The following KNTC1 variants were observed in gnomAD, a reference collection of about 807,000 sequenced individuals.
KNTC1 encodes kinetochore associated 1.
A neutral mutation model predicts 314.4 loss-of-function variants in KNTC1; 253 were observed. That is an observed-to-expected ratio of 0.80 (90% CI 0.73 to 0.89). The LOEUF (loss-of-function observed/expected upper bound fraction) is 0.89, where lower values mean the gene tolerates loss of function less well. KNTC1 is among the 40% of genes least tolerant of loss of function. The pLI, the probability that KNTC1 is intolerant of heterozygous loss-of-function variation, is 0.00. For missense variants in KNTC1, 2,475 were observed against 2,572.9 expected, an observed-to-expected ratio of 0.96 and a Z score of 0.82; for synonymous variants, 901 against 901.4, an observed-to-expected ratio of 1.00 and a Z score of 0.01.
Position 122,571,097 on chromosome 12 carries a change from T to C in KNTC1, c.1990T>C (p.Leu664=). ...AGCAGAAAAAACAGACGAGTTGGGA[T>C]TGGCATCTTCCTGGCATTGGATTTC... ...FTAEKTDELG[L]ASSWHWISLK... Residue 664 remains leucine (L), a synonymous_variant, in exon 24 of 64, where the codon TTG becomes CTG. Coordinates refer to ENST00000333479, the MANE Select transcript of KNTC1 (RefSeq NM_014708.6). 2 of 1,613,622 alleles carry C rather than the reference T, an allele frequency of 1.2e-6. No homozygotes were observed. Among genetic ancestry groups the C allele is most frequent in the South Asian group, 2.2e-5 (2 of 91,066 alleles).
chr12:122,560,772 AC>A (rs886588786), intron 18 of KNTC1, among the ~76,000 whole-genome samples: 28 of 152,080 alleles, frequency 1.8e-4, no homozygotes, highest in Admixed American at 1.2e-3. Flanking sequence ...AGATTTCTCC[AC>A]CTTTGCTAAC....
chr12:122,569,714 C>G lies in KNTC1; in HGVS notation c.1750C>G (p.Leu584Val). ...NFESRFDVKM[L>V]ESLLNSMSAS... ...TGAAAGCAGATTTGATGTGAAAATG[C>G]TGGAGAGCTTGCTCAACTCAATGTC... is the stretch of plus-strand genomic sequence containing the variant. Residue 584 changes from leucine to valine, a missense_variant, in exon 22 of 64, where the codon CTG (leucine) becomes GTG (valine). Transcript: ENST00000333479. 1 of 1,613,370 alleles carries G rather than the reference C, an allele frequency of 6.2e-7. No individual in the cohort carries two copies. The highest frequency in any genetic ancestry group is 8.5e-7 in the Non-Finnish European group (1 of 1,179,562).
chr12:122,593,942 G>A (rs1870676281), intron 42 of KNTC1: 1 of 200,450 alleles, frequency 5.0e-6, no homozygotes, highest in African/African-American at 2.3e-5. Context: ...TTTGCCAACA[G>A]TTGACTTATC....
intron 31 of KNTC1, among the ~76,000 whole-genome samples, chr12:122,578,510 C>T (rs1358923981): frequency 2.0e-5 from 3 of 152,096 alleles, no homozygotes; most frequent in Non-Finnish European, 4.4e-5. Flanking sequence ...GCAACCTCTG[C>T]CTCTCAGGTT....
chr12:122,606,474 T>C (rs1457027175), intron 51 of KNTC1, among the ~76,000 whole-genome samples: 1 of 152,108 alleles, frequency 6.6e-6, no homozygotes, highest in Non-Finnish European at 1.5e-5. Context: ...CGCCTTGGCC[T>C]CCCAAAGTGT....
At chr12:122,553,870 A>G (rs1963367715) in intron 16 of KNTC1, among the ~76,000 whole-genome samples, 1 of 152,066 alleles carries the variant, frequency 6.6e-6, no homozygotes, top group Non-Finnish European at 1.5e-5. Context: ...AAGATCAAGT[A>G]TAAAAGCTGA....
chr12:122,551,418 A>G, intron 14 of KNTC1, 40 bp from the exon 15 acceptor site: 1 of 1,557,178 alleles, frequency 6.4e-7, no homozygotes, highest in Non-Finnish European at 8.8e-7. Context: ...ACGTATTAAT[A>G]TTAAAAGACA....
intron 3 of KNTC1, among the ~76,000 whole-genome samples, chr12:122,537,930 C>T (rs927824140): frequency 3.3e-5 from 5 of 151,884 alleles, no homozygotes; most frequent in Admixed American, 6.6e-5. Context: ...CTCAGGAGTT[C>T]GAGACCAGTC....
intron 42 of KNTC1, chr12:122,593,710 TCCTC>T (rs761325429): frequency 2.0e-5 from 3 of 152,502 alleles, no homozygotes; most frequent in Non-Finnish European, 4.4e-5. Context: ...GCCTAAGTGA[TCCTC>T]CCAGCTTAGC....
chr12:122,588,187 T>C (rs900947740), intron 39 of KNTC1, among the ~76,000 whole-genome samples: 3 of 152,208 alleles, frequency 2.0e-5, no homozygotes, highest in African/African-American at 7.2e-5. Flanking sequence ...CTTCACACTC[T>C]AAGCTTAGTG....
intron 44 of KNTC1, 50 bp from the exon 45 acceptor site, chr12:122,601,486 C>T (rs1156747514): frequency 7.0e-7 from 1 of 1,431,200 alleles, no homozygotes. Context: ...AATAAAATTT[C>T]AACATGGCAA....
intron 20 of KNTC1, among the ~76,000 whole-genome samples, chr12:122,567,628 CAG>C (rs2137889052): frequency 6.6e-6 from 1 of 152,148 alleles, no homozygotes; most frequent in South Asian, 2.1e-4. Flanking sequence ...CAGTTGAGGT[CAG>C]GGGTTTGAGA....
At chr12:122,609,344 C>G (rs899169979) in intron 51 of KNTC1, 40 bp from the exon 52 acceptor site, 6 of 1,307,354 alleles carry the variant, frequency 4.6e-6, no homozygotes, top group Non-Finnish European at 5.4e-6. Flanking sequence ...TAGTCATAAA[C>G]TTTTTCAGTT....
Position 122,546,197 on chromosome 12 carries a change from T to C in KNTC1, c.691T>C (p.Ser231Pro). Reference sequence around the variant, plus strand: ...CCAGGGAACCGGTAATTGTGCATTCTCAAAATGGGAACCAGATTCTTCCAA... The same window carrying C: ...CCAGGGAACCGGTAATTGTGCATTCCCAAAATGGGAACCAGATTCTTCCAA... ...IIGGTGNCAF[S>P]KWEPDSSKKG... The change falls in exon 9 of 64, where the codon TCA becomes CCA. Residue 231 changes from serine (S) to proline (P), a missense_variant. Coordinates refer to ENST00000333479, the MANE Select transcript of KNTC1 (RefSeq NM_014708.6). The C allele has an allele frequency of 6.2e-7, 1 of 1,609,100 alleles. No individual in the cohort carries two copies. Among genetic ancestry groups the C allele is most frequent in the Middle Eastern group, 1.7e-4 (1 of 6,042 alleles).
At chr12:122,531,653 C>T (rs952212322) in intron 2 of KNTC1, among the ~76,000 whole-genome samples, 2 of 151,958 alleles carry the variant, frequency 1.3e-5, no homozygotes, top group Non-Finnish European at 2.9e-5. Context: ...TGCAGCATTT[C>T]TTTTTTTTAA....
intron 2 of KNTC1, among the ~76,000 whole-genome samples, chr12:122,531,049 T>C (rs1961272894): frequency 1.5e-5 from 2 of 130,812 alleles, no homozygotes; most frequent in Non-Finnish European, 3.1e-5. Context: ...TATTTAATTC[T>C]TTTTTTTTTT....
intron 2 of KNTC1, among the ~76,000 whole-genome samples, chr12:122,532,634 T>C (rs990098927): frequency 2.6e-5 from 4 of 152,188 alleles, no homozygotes; most frequent in Non-Finnish European, 4.4e-5. Context: ...GGAACTAAAA[T>C]TCTATCTATT....
intron 2 of KNTC1, 51 bp from the exon 3 acceptor site, chr12:122,534,613 T>A: frequency 6.6e-7 from 1 of 1,521,716 alleles, no homozygotes. Context: ...TAAGTATTAT[T>A]AAACACATAT....
intron 18 of KNTC1, among the ~76,000 whole-genome samples, chr12:122,560,651 C>G (rs903274056): frequency 6.6e-6 from 1 of 152,174 alleles, no homozygotes; most frequent in Admixed American, 6.6e-5. Flanking sequence ...GGATTACAGG[C>G]GTGAGCCACC....
Sources: allele counts gnomAD v4.1 joint callset (sites outside exome capture counted in the v4.1 genomes callset), GRCh38; gene constraint gnomAD v4.1.1; transcripts MANE v1.5; gene names NCBI Gene and HGNC (gene_info 2026-07-23, HGNC 2026-07-21).